The following ZNF385D variants were observed in gnomAD, a reference collection of about 807,000 sequenced individuals.
ZNF385D encodes zinc finger protein 385D, also known as zinc finger protein 659.
ZNF385D carries 15 observed loss-of-function variants against 35.8 expected under a neutral mutation model. The ratio of observed to expected loss-of-function variants is 0.42; its 90% confidence interval spans 0.28 to 0.64. The LOEUF (loss-of-function observed/expected upper bound fraction) is 0.64, where lower values mean the gene tolerates loss of function less well. Ranked by LOEUF, ZNF385D falls within the 30% of genes least tolerant of loss-of-function variation. The pLI is 0.23. For missense variants in ZNF385D, 474 were observed against 494.6 expected (o/e 0.96, Z 0.39); for synonymous variants, 212 against 186.8 (o/e 1.13, Z -1.10).
chr3:21,802,891 G>C (rs1175394251), intron 3 of ZNF385D, among the ~76,000 whole-genome samples: 1 of 152,224 alleles, frequency 6.6e-6, no homozygotes, highest in Admixed American at 6.5e-5. Context: ...TTGCGTGCAA[G>C]TGATTGGGCA....
chr3:21,704,508 TTTTA>T (rs528009530), intron 1 of ZNF385D, among the ~76,000 whole-genome samples: 4 of 152,056 alleles, frequency 2.6e-5, no homozygotes, highest in African/African-American at 4.8e-5. Flanking sequence ...TTTTATTTTA[TTTTA>T]TTTATTTATT....
chr3:22,311,701 T>A (rs1250593108), intron 2 of ZNF385D, among the ~76,000 whole-genome samples: 2 of 152,120 alleles, frequency 1.3e-5, no homozygotes, highest in African/African-American at 4.8e-5. Context: ...AAAAAGAAGA[T>A]AATATTCACG....
intron 3 of ZNF385D, among the ~76,000 whole-genome samples, chr3:21,867,140 A>G (rs1247045386): frequency 1.3e-5 from 2 of 152,202 alleles, no homozygotes; most frequent in East Asian, 3.9e-4. Context: ...GGCAAAATGG[A>G]GATAAACACT....
intron 3 of ZNF385D, among the ~76,000 whole-genome samples, chr3:22,001,414 G>A (rs1055134903): frequency 5.9e-5 from 9 of 151,982 alleles, no homozygotes; most frequent in Non-Finnish European, 1.3e-4. Flanking sequence ...ATAATAAAGA[G>A]ATCAATTCAT....
At chr3:21,748,290 ACACACAC>A (rs1209452184) in intron 1 of ZNF385D, among the ~76,000 whole-genome samples, 2 of 152,068 alleles carry the variant, frequency 1.3e-5, no homozygotes, top group Non-Finnish European at 2.9e-5. Context: ...ACCAACTTGC[ACACACAC>A]ACAACTGACT....
At chr3:22,020,800 T>C (rs1276027919) in intron 3 of ZNF385D, among the ~76,000 whole-genome samples, 1 of 151,894 alleles carries the variant, frequency 6.6e-6, no homozygotes, top group African/African-American at 2.4e-5. Flanking sequence ...AAAATAATCA[T>C]TATATCAAAA....
At chr3:21,911,375 G>A (rs1481646163) in intron 3 of ZNF385D, among the ~76,000 whole-genome samples, 1 of 151,924 alleles carries the variant, frequency 6.6e-6, no homozygotes, top group Non-Finnish European at 1.5e-5. Flanking sequence ...AGGTTTTATG[G>A]TGACAATATG....
At chr3:22,248,377 C>A (rs1699897884) in intron 2 of ZNF385D, among the ~76,000 whole-genome samples, 1 of 152,072 alleles carries the variant, frequency 6.6e-6, no homozygotes, top group South Asian at 2.1e-4. Flanking sequence ...GTTTGTGTGA[C>A]TCACAATGTG....
At chr3:22,320,977 A>G (rs1007191121) in intron 2 of ZNF385D, among the ~76,000 whole-genome samples, 1 of 151,962 alleles carries the variant, frequency 6.6e-6, no homozygotes, top group African/African-American at 2.4e-5. Flanking sequence ...TTTTGAAATG[A>G]AAGCAGGAAA....
chr3:22,264,253 A>G (rs991357173), intron 2 of ZNF385D, among the ~76,000 whole-genome samples: 2 of 152,064 alleles, frequency 1.3e-5, no homozygotes, highest in African/African-American at 4.8e-5. Flanking sequence ...TAATTAATGC[A>G]TAAGAAAAAA....
chr3:22,086,192 G>A (rs77904314), intron 3 of ZNF385D, among the ~76,000 whole-genome samples: 2 of 152,192 alleles, frequency 1.3e-5, no homozygotes, highest in South Asian at 2.1e-4. Context: ...AGTGTTGGAA[G>A]TTCTGGCCAG....
chr3:21,800,363 T>A (rs527320892), intron 3 of ZNF385D, among the ~76,000 whole-genome samples: 9 of 152,224 alleles, frequency 5.9e-5, no homozygotes, highest in Non-Finnish European at 1.2e-4. Flanking sequence ...ATATTAAATC[T>A]ATCCAATCCA....
chr3:21,663,911 ATATATATT>A lies in ZNF385D; in HGVS notation c.165+967_165+974del, dbSNP rs1438673787. Among the ~76,000 whole-genome samples, 14 of 108,998 alleles carry A rather than the reference ATATATATT, an allele frequency of 1.3e-4. 1 individual carries two copies. Among genetic ancestry groups the A allele is most frequent in the African/African-American group, 4.0e-4 (12 of 29,842 alleles). The allele number at this position is 108,998 out of a possible 152,430, so 71.5% of individuals were successfully genotyped here. On this transcript the variant is annotated intron_variant, in intron 2 of 7. Coordinates refer to ENST00000281523, the MANE Select transcript of ZNF385D (RefSeq NM_024697.3). ...GCCGAATATATATATATATATATAT[ATATATATT>A]TATTTATTTAAATCCATCATGGGGA...
At chr3:21,812,316 A>T (rs59212732) in intron 3 of ZNF385D, among the ~76,000 whole-genome samples, 1 of 152,172 alleles carries the variant, frequency 6.6e-6, no homozygotes. Flanking sequence ...TGAATTTCCA[A>T]CTGAGGTACC....
At position 22,260,047 on chromosome 3, in the gene ZNF385D, A is replaced by T. The variant is rs532810232; in HGVS notation, c.107-91012T>A. ...AAAATATGCATATAGTATACTAATA[A>T]TTGAAAACACAATCAATTAGATTAT... On this transcript the variant is annotated intron_variant, in intron 2 of 5. Transcript: ENST00000494108. Among the ~76,000 whole-genome samples, 7 of 152,144 alleles carry T rather than the reference A, an allele frequency of 4.6e-5. No individual in the cohort carries two copies. The South Asian group carries it at 1.4e-3, about 31-fold the overall frequency.
intron 3 of ZNF385D, among the ~76,000 whole-genome samples, chr3:22,074,714 T>C (rs991393159): frequency 2.0e-5 from 3 of 151,954 alleles, no homozygotes; most frequent in Non-Finnish European, 4.4e-5. Flanking sequence ...ATATACATCA[T>C]TGAAATACTC....
chr3:21,859,970 A>G (rs1696958861), intron 3 of ZNF385D, among the ~76,000 whole-genome samples: 1 of 152,030 alleles, frequency 6.6e-6, no homozygotes, highest in South Asian at 2.1e-4. Flanking sequence ...TTTCAGACAC[A>G]ATTTGACTTG....
intron 3 of ZNF385D, among the ~76,000 whole-genome samples, chr3:21,825,170 A>T (rs1379094887): frequency 2.0e-5 from 3 of 152,186 alleles, no homozygotes; most frequent in African/African-American, 7.2e-5. Flanking sequence ...ACAAACGCAA[A>T]CCAGAAAAAA....
chr3:22,178,928 T>C (rs1695025978), intron 2 of ZNF385D, among the ~76,000 whole-genome samples: 1 of 152,176 alleles, frequency 6.6e-6, no homozygotes, highest in Admixed American at 6.5e-5. Context: ...GGCTCTGTTC[T>C]GTTCCATTGG....
Sources: allele counts gnomAD v4.1 joint callset (sites outside exome capture counted in the v4.1 genomes callset), GRCh38; gene constraint gnomAD v4.1.1; transcripts MANE v1.5; gene names NCBI Gene and HGNC (gene_info 2026-07-23, HGNC 2026-07-21).